The following MMP26 variants were observed in gnomAD, a reference collection of about 807,000 sequenced individuals.
MMP26 encodes matrix metallopeptidase 26, also known as matrix metalloproteinase-26.
MMP26 carries 33 observed loss-of-function variants against 31.0 expected under a neutral mutation model. The observed-to-expected ratio is 1.06, with a 90% confidence interval of 0.81 to 1.42. The LOEUF is 1.42. Ranked by LOEUF, MMP26 falls within the 40% of genes most tolerant of loss-of-function variation. The pLI is 0.00. For synonymous variants in MMP26, 122 were observed against 114.9 expected, an observed-to-expected ratio of 1.06 and a Z score of -0.40; for missense variants, 347 against 316.1, an observed-to-expected ratio of 1.10 and a Z score of -0.74.
At chr11:4,877,073 C>G (rs1237158492) in intron 2 of MMP26, 1 of 152,480 alleles carries the variant, frequency 6.6e-6, no homozygotes, top group Non-Finnish European at 1.5e-5. Context: ...CTTTCTGTCA[C>G]TCCAATGTCC....
chr11:4,780,090 G>T (rs1848838419), intron 2 of MMP26, among the ~76,000 whole-genome samples: 1 of 152,028 alleles, frequency 6.6e-6, no homozygotes, highest in South Asian at 2.1e-4. Context: ...TTAGTTTGTT[G>T]ACTATTGTTG....
At chr11:4,979,363 T>C (rs1846782319) in intron 2 of MMP26, among the ~76,000 whole-genome samples, 1 of 152,164 alleles carries the variant, frequency 6.6e-6, no homozygotes, top group Admixed American at 6.6e-5. Flanking sequence ...ATTTCCCTGG[T>C]CCTCCAAAGG....
Position 4,821,941 on chromosome 11 carries a change from A to G in MMP26, c.-145+54600A>G, listed in dbSNP as rs557540957. The G allele has an allele frequency of 1.6e-4, 253 of 1,613,912 alleles. No individual in the cohort carries two copies. In the South Asian group the frequency reaches 2.6e-3, roughly 17 times the overall value. On this transcript the variant is annotated intron_variant, in intron 2 of 7. Coordinates refer to ENST00000380390, the MANE Select transcript of MMP26 (RefSeq NM_021801.5). ...CAAGAGGTTGTCCTTCTGCAGTTCTATGGTCCTTTCACATTCTTACTGCTA... is the reference window on the plus strand; with the variant it reads ...CAAGAGGTTGTCCTTCTGCAGTTCTGTGGTCCTTTCACATTCTTACTGCTA...
rs891297573 is a variant in MMP26 at position 4,939,847 on chromosome 11, A to G, written c.-144-48221A>G. Reference sequence around the variant, plus strand: ...CAAGCCACAGATAATGACATAAGATATATCACTTATGAATTTACACATCCT... The same window carrying G: ...CAAGCCACAGATAATGACATAAGATGTATCACTTATGAATTTACACATCCT... On this transcript the variant is annotated intron_variant, in intron 2 of 7. Coordinates refer to ENST00000380390, the MANE Select transcript of MMP26 (RefSeq NM_021801.5). Among the ~76,000 whole-genome samples, 4 of 152,290 alleles carry G rather than the reference A, an allele frequency of 2.6e-5. No homozygotes were observed. In the East Asian group the frequency reaches 7.7e-4, roughly 29 times the overall value.
At chr11:4,774,396 CAT>C (rs1848765049) in intron 2 of MMP26, among the ~76,000 whole-genome samples, 1 of 152,088 alleles carries the variant, frequency 6.6e-6, no homozygotes, top group Non-Finnish European at 1.5e-5. Context: ...AGCTGTTTTT[CAT>C]ATGTTTGTTG....
intron 2 of MMP26, chr11:4,803,745 A>G (rs1472100982): frequency 6.2e-7 from 1 of 1,613,832 alleles, no homozygotes; most frequent in South Asian, 1.1e-5. Context: ...CAATCATATC[A>G]AAGCCAGCCA....
At chr11:4,762,121 T>A (rs985406174) in intron 1 of MMP26, among the ~76,000 whole-genome samples, 3 of 152,224 alleles carry the variant, frequency 2.0e-5, no homozygotes, top group African/African-American at 7.2e-5. Context: ...AAACCAATAT[T>A]TACTTGATAA....
chr11:4,828,070 TA>T (rs1209731727), intron 2 of MMP26, among the ~76,000 whole-genome samples: 2 of 152,248 alleles, frequency 1.3e-5, no homozygotes, highest in East Asian at 3.9e-4. Context: ...ACATCAACAT[TA>T]GAAACTTGCA....
chr11:4,797,180 A>G (rs1363416886), intron 2 of MMP26, among the ~76,000 whole-genome samples: 1 of 152,188 alleles, frequency 6.6e-6, no homozygotes, highest in Non-Finnish European at 1.5e-5. Flanking sequence ...TAATCAGTTG[A>G]GAAACAATTA....
At chr11:4,772,130 C>A (rs1848732321) in intron 2 of MMP26, among the ~76,000 whole-genome samples, 1 of 152,088 alleles carries the variant, frequency 6.6e-6, no homozygotes, top group Non-Finnish European at 1.5e-5. Context: ...AAAAAAGAAA[C>A]CACCCTCTCT....
chr11:4,873,165 G>T (rs1374963268), intron 2 of MMP26, among the ~76,000 whole-genome samples: 1 of 152,036 alleles, frequency 6.6e-6, no homozygotes, highest in Non-Finnish European at 1.5e-5. Context: ...AGATCTTAAG[G>T]AATCAGGGGC....
At chr11:4,859,576 A>G (rs1488374245) in intron 2 of MMP26, 1 of 381,832 alleles carries the variant, frequency 2.6e-6, no homozygotes, top group Non-Finnish European at 5.4e-6. Flanking sequence ...TCCAGTGGAT[A>G]CTTACTCTGC....
At chr11:4,827,783 A>T (rs992017077) in intron 2 of MMP26, among the ~76,000 whole-genome samples, 1 of 151,790 alleles carries the variant, frequency 6.6e-6, no homozygotes, top group Non-Finnish European at 1.5e-5. Flanking sequence ...TTTCCTAAAA[A>T]TTACCTAAAT....
chr11:4,782,024 C>T (rs968024767), intron 2 of MMP26, among the ~76,000 whole-genome samples: 1 of 152,178 alleles, frequency 6.6e-6, no homozygotes, highest in Admixed American at 6.5e-5. Context: ...ATTGCTCAGT[C>T]TTGGGTATGT....
rs540366105 is a variant in MMP26, at chr11:4,901,767, A to G, written c.-144-86301A>G. Among the ~76,000 whole-genome samples, 7 of 152,288 alleles carry G rather than the reference A, an allele frequency of 4.6e-5. No homozygotes were observed. In the South Asian group the frequency reaches 1.5e-3, roughly 32 times the overall value. On this transcript the variant is annotated intron_variant, in intron 2 of 7. Transcript: ENST00000380390. ...TTTATCTCTATCCTTTCCCACCTAA[A>G]GAGCACTGTGTTTTGACAAGAATGC...
intron 2 of MMP26, among the ~76,000 whole-genome samples, chr11:4,982,606 TAAC>T (rs1481555857): frequency 6.6e-6 from 1 of 152,206 alleles, no homozygotes; most frequent in African/African-American, 2.4e-5. Context: ...AAATAGCACT[TAAC>T]AATCAGTAAA....
chr11:4,826,732 C>G (rs540089670), intron 2 of MMP26, among the ~76,000 whole-genome samples: 37 of 152,134 alleles, frequency 2.4e-4, no homozygotes, highest in African/African-American at 8.7e-4. Context: ...ATTATAAGGC[C>G]CAACATCTTC....
intron 2 of MMP26, among the ~76,000 whole-genome samples, chr11:4,811,434 T>C (rs1418334371): frequency 6.6e-6 from 1 of 152,200 alleles, no homozygotes; most frequent in African/African-American, 2.4e-5. Context: ...TAGCTTTCAC[T>C]TGTAAATGAG....
At chr11:4,887,063 A>G (rs980613029) in intron 2 of MMP26, among the ~76,000 whole-genome samples, 1 of 152,030 alleles carries the variant, frequency 6.6e-6, no homozygotes, top group East Asian at 1.9e-4. Context: ...TCAATTTTAT[A>G]TAATGTTCTG....
Sources: gnomAD v4.1 joint callset for allele counts (sites outside exome capture counted in the v4.1 genomes callset) on GRCh38, gnomAD v4.1.1 for gene constraint, MANE v1.5 for transcripts, NCBI Gene and HGNC (gene_info 2026-07-23, HGNC 2026-07-21) for gene names.